The following ASTN2 variants were observed in gnomAD, a reference collection of about 807,000 sequenced individuals.
The protein encoded by ASTN2 is astrotactin 2.
In ASTN2, 54 loss-of-function variants were observed where a neutral mutation model predicts 139.8. The observed-to-expected ratio is 0.39, with a 90% CI of 0.31 to 0.48. ASTN2 has a LOEUF of 0.48. Ranked by LOEUF, ASTN2 falls within the 20% of genes least tolerant of loss-of-function variation. ASTN2 has a pLI of 0.95. For missense variants in ASTN2, 1,565 were observed against 1,725.1 expected (o/e 0.91, Z 1.64); for synonymous variants, 756 against 719.5 (o/e 1.05, Z -0.81).
At chr9:116,941,358 A>G (rs192534852) in intron 10 of ASTN2, among the ~76,000 whole-genome samples, 1 of 152,128 alleles carries the variant, frequency 6.6e-6, no homozygotes, top group African/African-American at 2.4e-5. Context: ...TTTACAGAAG[A>G]GTTGCAAAGA....
At chr9:116,539,727 G>C (rs1451387384) in intron 19 of ASTN2, among the ~76,000 whole-genome samples, 3 of 152,180 alleles carry the variant, frequency 2.0e-5, no homozygotes, top group Admixed American at 6.5e-5. Context: ...TCACACCCTG[G>C]GTGGGATGGT....
At chr9:117,086,558 G>A (rs1054367246) in intron 5 of ASTN2, among the ~76,000 whole-genome samples, 11 of 152,110 alleles carry the variant, frequency 7.2e-5, no homozygotes, top group Admixed American at 7.2e-4. Context: ...TGGGCAACAA[G>A]AGCAAAACTC....
At chr9:117,292,910 C>T (rs1834630550) in intron 1 of ASTN2, among the ~76,000 whole-genome samples, 1 of 152,140 alleles carries the variant, frequency 6.6e-6, no homozygotes, top group African/African-American at 2.4e-5. Context: ...CTTATATCAT[C>T]AATGCCCAAT....
chr9:116,665,991 T>C (rs1354670206), intron 16 of ASTN2, among the ~76,000 whole-genome samples: 1 of 152,174 alleles, frequency 6.6e-6, no homozygotes, highest in Non-Finnish European at 1.5e-5. Flanking sequence ...GATTTCAGGG[T>C]AACCATATTT....
rs573889604 is a variant in ASTN2, at chr9:116,686,608, T to C, written c.2807-34815A>G. On this transcript the variant is annotated intron_variant, in intron 16 of 22. Transcript: ENST00000313400. ...CAGATGCCTAGTGCCCCAGATTCCC[T>C]CAAATCTCAGGCCAGATCACCTCCC... 3.2e-5 allele frequency: 43 copies of C among 1,359,428 alleles called. 1 individual carries two copies. Among genetic ancestry groups the C allele is most frequent in the Middle Eastern group, 4.8e-4 (2 of 4,136 alleles). 84.2% of individuals were successfully genotyped at this position (1,359,428 alleles called of 1,614,324 possible). A position where few individuals can be genotyped will look rare whatever the true frequency, so the allele number is the denominator to read the frequency against.
At chr9:116,774,183 G>C (rs1830022412) in intron 13 of ASTN2, among the ~76,000 whole-genome samples, 1 of 152,098 alleles carries the variant, frequency 6.6e-6, no homozygotes, top group Admixed American at 6.6e-5. Context: ...AAAGACCACT[G>C]CCCCTCCAAG....
In ASTN2 at chr9:116,723,010, A is replaced by G. The variant is rs571100456; in HGVS notation, c.2806+2761T>C. ...GAAACCCCATCTCTACTAAAAATAG[A>G]AAAAATTAGCCGGGCATGGTGGCGG... On this transcript the variant is annotated intron_variant, in intron 16 of 22. Coordinates refer to ENST00000313400, the MANE Select transcript of ASTN2 (RefSeq NM_001365068.1). Among the ~76,000 whole-genome samples the G allele has an allele frequency of 2.6e-5, 4 of 152,224 alleles. No homozygotes were observed. In the South Asian group the frequency reaches 8.3e-4, roughly 32 times the overall value.
At chr9:117,411,446 CAA>C (rs199996219) in intron 1 of ASTN2, among the ~76,000 whole-genome samples, 8,149 of 42,680 alleles carry the variant, frequency 0.19, 200 homozygotes, top group Non-Finnish European at 0.22. Flanking sequence ...AAAGGATCTG[CAA>C]AAAAAAAAAA....
At chr9:117,314,178 C>T (rs74417298) in intron 1 of ASTN2, among the ~76,000 whole-genome samples, 1 of 152,174 alleles carries the variant, frequency 6.6e-6, no homozygotes, top group Admixed American at 6.6e-5. Flanking sequence ...ACACTGCTAA[C>T]AATGCATCCG....
rs140190192 is a variant in ASTN2 at position 116,767,803 on chromosome 9, T to C, written c.2397-34280A>G. ...TTAACAATGATGGGGAACAGAGGAA[T>C]GGAGCAATGTGGTAAATATCTCCAG... On this transcript the variant is annotated intron_variant, in intron 13 of 22. Coordinates refer to ENST00000313400, the MANE Select transcript of ASTN2 (RefSeq NM_001365068.1). 8.6e-3 allele frequency among the ~76,000 whole-genome samples: 1,315 copies of C among 152,262 alleles called. 12 individuals carry two copies. Among genetic ancestry groups the C allele is most frequent in the Non-Finnish European group, 0.012 (813 of 68,026 alleles).
intron 10 of ASTN2, among the ~76,000 whole-genome samples, chr9:116,884,819 CT>C (rs758275616): frequency 6.8e-4 from 87 of 127,212 alleles, no homozygotes; most frequent in Admixed American, 8.8e-4. Flanking sequence ...CCCCCACCCA[CT>C]TTTTTTTTTT....
Position 117,141,193 on chromosome 9 carries a change from T to C in ASTN2, c.1168+133A>G, listed in dbSNP as rs1050665882. The C allele has an allele frequency of 8.2e-6, 8 of 978,570 alleles. No homozygotes were observed. In the African/African-American group the frequency reaches 1.4e-4, roughly 17 times the overall value. 60.6% of individuals were successfully genotyped at this position (978,570 alleles called of 1,614,324 possible). On this transcript the variant is annotated intron_variant, in intron 4 of 22. Coordinates refer to ENST00000313400, the MANE Select transcript of ASTN2 (RefSeq NM_001365068.1). ...CATAGGTCTGCAGCCTCCAAGGGGA[T>C]TTATCAGGGAGAAAGTGGCACAAGT...
At chr9:116,580,070 T>C (rs1853887162) in intron 19 of ASTN2, among the ~76,000 whole-genome samples, 1 of 152,188 alleles carries the variant, frequency 6.6e-6, no homozygotes, top group Non-Finnish European at 1.5e-5. Context: ...TCCACCCACC[T>C]TGGCCTCCCA....
At chr9:117,387,775 G>C (rs1394453910) in intron 1 of ASTN2, among the ~76,000 whole-genome samples, 1 of 152,162 alleles carries the variant, frequency 6.6e-6, no homozygotes, top group Non-Finnish European at 1.5e-5. Flanking sequence ...TCTGGACGTG[G>C]GTTGTGGCAT....
At chr9:116,625,550 C>G (rs1856406069) in intron 17 of ASTN2, among the ~76,000 whole-genome samples, 1 of 152,216 alleles carries the variant, frequency 6.6e-6, no homozygotes, top group Non-Finnish European at 1.5e-5. Flanking sequence ...GTTGCCTTCT[C>G]CAGCATGTCC....
intron 3 of ASTN2, among the ~76,000 whole-genome samples, chr9:117,143,292 T>G (rs1289976806): frequency 6.6e-6 from 1 of 152,212 alleles, no homozygotes; most frequent in Non-Finnish European, 1.5e-5. Context: ...ATTCCAGACA[T>G]GGGGTCCCTT....
intron 10 of ASTN2, among the ~76,000 whole-genome samples, chr9:116,951,501 T>C (rs1245997254): frequency 6.6e-6 from 1 of 151,812 alleles, no homozygotes; most frequent in Non-Finnish European, 1.5e-5. Context: ...GTGAATAGAG[T>C]CTACAAAGAT....
chr9:117,275,677 T>C (rs1354498983), intron 2 of ASTN2, among the ~76,000 whole-genome samples: 1 of 150,652 alleles, frequency 6.6e-6, no homozygotes, highest in Non-Finnish European at 1.5e-5. Context: ...GGGATTCTCC[T>C]GCCTCAGCCT....
intron 13 of ASTN2, among the ~76,000 whole-genome samples, chr9:116,802,821 C>T (rs946653905): frequency 2.0e-5 from 3 of 152,222 alleles, no homozygotes; most frequent in Non-Finnish European, 4.4e-5. Context: ...GTTTTCTTGA[C>T]TCCCACCCTT....
Sources: gnomAD v4.1 joint callset for allele counts (sites outside exome capture counted in the v4.1 genomes callset) on GRCh38, gnomAD v4.1.1 for gene constraint, MANE v1.5 for transcripts, NCBI Gene and HGNC (gene_info 2026-07-23, HGNC 2026-07-21) for gene names.